Variants in RANBP10 observed in about 807,000 individuals in gnomAD.
RANBP10 encodes the protein ran-binding protein 10.
Under a neutral mutation model 72.8 loss-of-function variants are expected in RANBP10, and 24 were observed. The ratio of observed to expected loss-of-function variants is 0.33; its 90% CI spans 0.24 to 0.46. The LOEUF (loss-of-function observed/expected upper bound fraction) is 0.46. Ranked by LOEUF, RANBP10 falls within the 20% of genes least tolerant of loss-of-function variation. The pLI is 1.00. For missense variants in RANBP10, 679 were observed against 817.5 expected (o/e 0.83, Z 2.07); for synonymous variants, 310 against 322.3 (o/e 0.96, Z 0.41).
intron 3 of RANBP10, chr16:67,762,370 T>A (rs911373597): frequency 4.6e-5 from 7 of 152,154 alleles, no homozygotes; most frequent in African/African-American, 1.7e-4. Flanking sequence ...ATCCTATATA[T>A]GAGTTAGATA....
chr16:67,765,247 C>T (rs986403675), intron 3 of RANBP10, among the ~76,000 whole-genome samples: 2 of 147,654 alleles, frequency 1.4e-5, no homozygotes, highest in Non-Finnish European at 3.0e-5. Flanking sequence ...AATAAATTAG[C>T]CAGGTGCAGT....
intron 2 of RANBP10, among the ~76,000 whole-genome samples, chr16:67,774,083 A>G (rs1161852152): frequency 1.3e-5 from 2 of 152,328 alleles, no homozygotes; most frequent in Admixed American, 6.5e-5. Flanking sequence ...CCATTCCTTC[A>G]GTACCTCAGC....
At chr16:67,771,126 G>A (rs1479226390) in intron 3 of RANBP10, among the ~76,000 whole-genome samples, 2 of 152,016 alleles carry the variant, frequency 1.3e-5, no homozygotes, top group Non-Finnish European at 2.9e-5. Flanking sequence ...GCTGGACATG[G>A]TGATGAGCTC....
intron 3 of RANBP10, among the ~76,000 whole-genome samples, chr16:67,770,472 T>A (rs1175177732): frequency 6.6e-6 from 1 of 151,962 alleles, no homozygotes; most frequent in Non-Finnish European, 1.5e-5. Context: ...TAAACATTGA[T>A]TAGAAAAGAC....
chr16:67,773,310 T>G lies in RANBP10; in HGVS notation c.348-1224A>C, dbSNP rs999170536. The stretch of plus-strand genomic sequence containing the variant: ...GCTGGCTCCTAGTCAACATCCACTA[T>G]GACTGTAAGCTTCTCCAGGCCTTTG... On this transcript the variant is annotated intron_variant, in intron 2 of 13. Transcript: ENST00000317506. 7.2e-5 allele frequency among the ~76,000 whole-genome samples: 11 copies of G among 152,340 alleles called. No homozygotes were observed. In the South Asian group the frequency reaches 1.9e-3, roughly 26 times the overall value.
In RANBP10 at chr16:67,730,162, G is replaced by C. The variant is rs571597036; in HGVS notation, c.890-116C>G. On this transcript the variant is annotated intron_variant, in intron 7 of 13. Coordinates refer to ENST00000317506, the MANE Select transcript of RANBP10 (RefSeq NM_020850.3). This position sits in a 1 kb window ranked among gnomAD's most constrained non-coding sequence, Gnocchi z 4.3. ...CCGGCTCAGAGTGCCTCGCCAGCTT[G>C]AAATGCTCACAGGAGAGGAGGCTGG... 2.4e-5 allele frequency: 21 copies of C among 858,840 alleles called. No homozygotes were observed. The African/African-American group carries it at 3.2e-4, about 13-fold the overall frequency. The allele number at this position is 858,840 out of a possible 1,614,324, so 53.2% of individuals were successfully genotyped here.
chr16:67,785,760 G>C (rs1156406000), intron 2 of RANBP10, among the ~76,000 whole-genome samples: 1 of 121,100 alleles, frequency 8.3e-6, no homozygotes, highest in Non-Finnish European at 1.7e-5. Context: ...AGGCACAGTG[G>C]CTCACGCCTA....
At chr16:67,783,337 G>A (rs1237373508) in intron 2 of RANBP10, among the ~76,000 whole-genome samples, 2 of 152,158 alleles carry the variant, frequency 1.3e-5, no homozygotes, top group African/African-American at 4.8e-5. Flanking sequence ...AAGGCCACGG[G>A]AAGGAGACGA....
chr16:67,741,594 A>G (rs1343902765), intron 4 of RANBP10, among the ~76,000 whole-genome samples: 1 of 152,230 alleles, frequency 6.6e-6, no homozygotes, highest in Non-Finnish European at 1.5e-5. Context: ...CTGTGAGCAC[A>G]TGGACCACTT....
At chr16:67,731,180 A>T (rs2053722776) in intron 7 of RANBP10, 1 of 350,082 alleles carries the variant, frequency 2.9e-6, no homozygotes, top group Non-Finnish European at 5.4e-6. Flanking sequence ...GGGGGAAGGA[A>T]ACAAGCAGGG....
At chr16:67,744,240 C>A (rs1288027942) in intron 4 of RANBP10, 48 bp downstream of exon 4, 3 of 1,582,640 alleles carry the variant, frequency 1.9e-6, no homozygotes, top group South Asian at 2.3e-5. Context: ...TCTCACCAAC[C>A]AAAGTGGCTC....
chr16:67,767,901 A>G (rs1365753803), intron 3 of RANBP10, among the ~76,000 whole-genome samples: 1 of 151,912 alleles, frequency 6.6e-6, no homozygotes, highest in African/African-American at 2.4e-5. Context: ...CTGCCTCTAC[A>G]AGAAAATTTT....
At chr16:67,733,832 ACATCCATGTGCT>A (rs2053784393) in intron 6 of RANBP10, among the ~76,000 whole-genome samples, 1 of 152,140 alleles carries the variant, frequency 6.6e-6, no homozygotes, top group East Asian at 1.9e-4. Flanking sequence ...AAACAAAAAC[ACATCCATGTGCT>A]GAGCCTAGGC....
At chr16:67,771,372 A>C (rs2054604538) in intron 3 of RANBP10, among the ~76,000 whole-genome samples, 1 of 151,754 alleles carries the variant, frequency 6.6e-6, no homozygotes, top group Non-Finnish European at 1.5e-5. Flanking sequence ...TTGAGACGGA[A>C]TCTCACCCTG....
intron 3 of RANBP10, among the ~76,000 whole-genome samples, chr16:67,757,843 G>A (rs1305544549): frequency 6.6e-6 from 1 of 152,212 alleles, no homozygotes; most frequent in Non-Finnish European, 1.5e-5. Flanking sequence ...CTGCAGGTAG[G>A]AAGGTCTGGC....
chr16:67,731,450 G>A (rs909261044), intron 7 of RANBP10, 22 bp downstream of exon 7: 1 of 1,585,284 alleles, frequency 6.3e-7, no homozygotes, highest in Admixed American at 1.7e-5. Context: ...GAAGGGAAAG[G>A]GGAAAGTAGA....
rs543981390 is a variant in RANBP10, at chr16:67,752,439, A to G, written c.401-7984T>C. 2.0e-5 allele frequency among the ~76,000 whole-genome samples: 3 copies of G among 152,308 alleles called. No individual in the cohort carries two copies. In the East Asian group the frequency reaches 5.8e-4, roughly 29 times the overall value. On this transcript the variant is annotated intron_variant, in intron 3 of 13. Coordinates refer to ENST00000317506, the MANE Select transcript of RANBP10 (RefSeq NM_020850.3). Reference sequence around the variant, plus strand: ...CCTCCAGAAAGAACGCAGCCCTGCCAATATCTGGATTTTAGAATTTCTGTT... The same window carrying G: ...CCTCCAGAAAGAACGCAGCCCTGCCGATATCTGGATTTTAGAATTTCTGTT...
chr16:67,753,762 G>A (rs1020294929), intron 3 of RANBP10, among the ~76,000 whole-genome samples: 1 of 152,158 alleles, frequency 6.6e-6, no homozygotes, highest in African/African-American at 2.4e-5. Flanking sequence ...AGGTGTGGGT[G>A]CAGCTAATGT....
chr16:67,732,643 C>T (rs2053756383), intron 6 of RANBP10, among the ~76,000 whole-genome samples: 1 of 152,060 alleles, frequency 6.6e-6, no homozygotes, highest in African/African-American at 2.4e-5. Flanking sequence ...ATCAGCTGGG[C>T]GTGATGGCTC....
Sources: gnomAD v4.1 joint callset for allele counts (sites outside exome capture counted in the v4.1 genomes callset) on GRCh38, gnomAD v4.1.1 for gene constraint, Gnocchi (gnomAD v3.1) non-coding constraint, MANE v1.5 for transcripts, NCBI Gene and HGNC (gene_info 2026-07-23, HGNC 2026-07-21) for gene names.